Variants in TMEM63B observed in about 807,000 individuals in gnomAD.
TMEM63B encodes mechanosensitive cation channel TMEM63B.
TMEM63B carries 23 observed loss-of-function variants against 102.6 expected under a neutral mutation model. The observed-to-expected ratio is 0.22, with a 90% CI of 0.16 to 0.32. The LOEUF (loss-of-function observed/expected upper bound fraction) is 0.32. TMEM63B is among the 10% of genes least tolerant of loss of function. The probability of loss-of-function intolerance (pLI) is 1.00; values close to 1 mark genes in which losing one functional copy is unlikely to be tolerated. For missense variants in TMEM63B, 628 were observed against 1,095.9 expected, an observed-to-expected ratio of 0.57 and a Z score of 6.03; for synonymous variants, 444 against 437.0, an observed-to-expected ratio of 1.02 and a Z score of -0.20.
In TMEM63B at chr6:44,154,806, A is replaced by T; in HGVS notation, c.2422A>T (p.Met808Leu). The stretch of plus-strand genomic sequence containing the variant: ...CTCATCCCAAGATGAGGAGTTGCTG[A>T]TGCCACCCGACGCCCTCACGGACAC... ...SSSSQDEELLMPPDALTDTDF... is the reference protein window; with the variant it reads ...SSSSQDEELLLPPDALTDTDF... Residue 808 changes from methionine to leucine, a missense_variant, in exon 24 of 24, where the codon ATG becomes TTG. Transcript: ENST00000323267. The T allele has an allele frequency of 6.2e-7, 1 of 1,610,634 alleles. No homozygotes were observed. The highest frequency in any genetic ancestry group is 8.5e-7 in the Non-Finnish European group (1 of 1,179,182).
chr6:44,152,503 G>A lies in TMEM63B; in HGVS notation c.1837-90G>A. On this transcript the variant is annotated intron_variant, in intron 19 of 23. Coordinates refer to ENST00000323267, the MANE Select transcript of TMEM63B (RefSeq NM_018426.3). This position sits in a 1 kb window ranked among gnomAD's most constrained non-coding sequence, Gnocchi z 6.4. ...CCATGGCTTCTTTTCCGGCCCCAGAGGTCCTGGCTCCCTTCCCCCTCCCTC... is the reference window on the plus strand; with the variant it reads ...CCATGGCTTCTTTTCCGGCCCCAGAAGTCCTGGCTCCCTTCCCCCTCCCTC... The A allele has an allele frequency of 1.0e-6, 1 of 962,544 alleles. No individual in the cohort carries two copies. The highest frequency in any genetic ancestry group is 1.8e-5 in the Admixed American group (1 of 54,262). The allele number at this position is 962,544 out of a possible 1,614,324, so 59.6% of individuals were successfully genotyped here. A position where few individuals can be genotyped will look rare whatever the true frequency, so the allele number is the denominator to read the frequency against.
At chr6:44,154,662 A>G in intron 23 of TMEM63B, 30 bp from the exon 24 acceptor site, 1 of 1,519,720 alleles carries the variant, frequency 6.6e-7, no homozygotes, top group Non-Finnish European at 8.8e-7. Flanking sequence ...GCAGCTGTTC[A>G]CCTTGCCCCC....
Position 44,140,354 on chromosome 6 carries a change from T to G in TMEM63B, c.705T>G (p.Asp235Glu), listed in dbSNP as rs781486617. 7 of 1,613,310 alleles carry G rather than the reference T, an allele frequency of 4.3e-6. No homozygotes were observed. Among genetic ancestry groups the G allele is most frequent in the East Asian group, 2.2e-5 (1 of 44,864 alleles). The change falls in exon 9 of 24, where the codon GAT becomes GAG. Residue 235 changes from aspartate to glutamate, a missense_variant. This residue lies in a region of TMEM63B where 336 missense variants were observed against 580.3 expected (regional missense o/e 0.58). Coordinates refer to ENST00000323267, the MANE Select transcript of TMEM63B (RefSeq NM_018426.3). ...RHTSKMRYKE[D>E]DLVKRTLFIN... is the part of the protein sequence containing the mutation. ...CCTCCAAGATGCGCTACAAGGAGGA[T>G]GATCTGGTGCGTGGAGCAGAGCCCA...
At chr6:44,128,322 AC>A (rs1777621130) in intron 1 of TMEM63B, among the ~76,000 whole-genome samples, 1 of 151,982 alleles carries the variant, frequency 6.6e-6, no homozygotes, top group African/African-American at 2.4e-5. Flanking sequence ...TGCGCCCCAC[AC>A]AGTGCAGTTC....
chr6:44,138,739 C>CCCG (rs1554196625), intron 6 of TMEM63B: 2 of 400,084 alleles, frequency 5.0e-6, no homozygotes, highest in South Asian at 2.7e-5. Flanking sequence ...CCTGCCGGCC[C>CCCG]CCCCGCTTCT....
rs1027938532 is a variant in TMEM63B at position 44,155,111 on chromosome 6, G to A, written c.*228G>A. ...AGCCGGCCCCGGGGCAAAGAGGGGT[G>A]CAGAGGGAGTTCCCCCAGATCAGTA... is the stretch of plus-strand genomic sequence containing the variant. On this transcript the variant is annotated 3_prime_UTR_variant, in exon 24 of 24. Transcript: ENST00000323267. 1.3e-4 allele frequency: 54 copies of A among 400,610 alleles called. No individual in the cohort carries two copies. The highest frequency in any genetic ancestry group is 7.5e-4 in the African/African-American group (36 of 48,240). The allele number at this position is 400,610 out of a possible 1,614,324, so 24.8% of individuals were successfully genotyped here.
chr6:44,151,117 C>G (rs940129234), intron 18 of TMEM63B, among the ~76,000 whole-genome samples: 9 of 152,008 alleles, frequency 5.9e-5, no homozygotes, highest in Non-Finnish European at 1.3e-4. Context: ...GACCTTATAA[C>G]TCTGGGGGTG....
intron 10 of TMEM63B, among the ~76,000 whole-genome samples, chr6:44,142,949 TG>T (rs1396451495): frequency 6.6e-6 from 1 of 152,184 alleles, no homozygotes; most frequent in Non-Finnish European, 1.5e-5. Flanking sequence ...AGGCTAATGC[TG>T]TGGTGAACTG....
In TMEM63B at chr6:44,147,455, G is replaced by A. The variant is rs150373871; in HGVS notation, c.942G>A (p.Lys314=). The A allele has an allele frequency of 2.1e-4, 340 of 1,614,174 alleles. 1 individual carries two copies. The highest frequency in any genetic ancestry group is 8.8e-4 in the Admixed American group (53 of 60,016). Residue 314 remains lysine (K), a synonymous_variant, in exon 12 of 24, where the codon AAG becomes AAA. Transcript: ENST00000323267. ...ACGTGCCTACCATGATCAACCCCAA[G>A]CCCTGTGGCCACCTCTGCTGCTGTG... ...KENVPTMINP[K]PCGHLCCCVV... is the part of the protein sequence containing the mutation.
chr6:44,134,804 C>A, intron 2 of TMEM63B, 61 bp downstream of exon 2: 1 of 1,573,984 alleles, frequency 6.4e-7, no homozygotes, highest in Non-Finnish European at 8.6e-7. Context: ...CTGGCAAACA[C>A]TTCCAGCTCT....
At chr6:44,142,290 A>T (rs947730005) in intron 10 of TMEM63B, among the ~76,000 whole-genome samples, 2 of 145,558 alleles carry the variant, frequency 1.4e-5, no homozygotes, top group African/African-American at 2.5e-5. Context: ...AAAAAAAATC[A>T]TTGAGGGCCG....
intron 1 of TMEM63B, among the ~76,000 whole-genome samples, chr6:44,131,566 A>G (rs1778284777): frequency 6.6e-6 from 1 of 152,038 alleles, no homozygotes. Flanking sequence ...TGAAAATACA[A>G]AAATTAGCTG....
intron 10 of TMEM63B, 148 bp downstream of exon 10, chr6:44,141,246 G>C: frequency 2.4e-6 from 2 of 837,630 alleles, no homozygotes; most frequent in Middle Eastern, 4.6e-4. Flanking sequence ...CCGATTCCAG[G>C]GTGGTTTAGC....
intron 18 of TMEM63B, among the ~76,000 whole-genome samples, chr6:44,151,506 G>A (rs921744976): frequency 6.6e-6 from 1 of 152,136 alleles, no homozygotes; most frequent in African/African-American, 2.4e-5. Flanking sequence ...GAATCTTCTG[G>A]GTGTTCCTGG....
In TMEM63B at chr6:44,151,892, A is replaced by G. The variant is rs1459697568; in HGVS notation, c.1720A>G (p.Ile574Val). Residue 574 changes from isoleucine (I) to valine (V), a missense_variant, in exon 19 of 24, where the codon ATT becomes GTT. Coordinates refer to ENST00000323267, the MANE Select transcript of TMEM63B (RefSeq NM_018426.3). ...CGGCGCCTTCTTCGTGAACTACGTC[A>G]TTGCCTCAGCCTTTATCGGCAACGC... ...DNGAFFVNYV[I>V]ASAFIGNAMD... is the part of the protein sequence containing the mutation. The G allele has an allele frequency of 6.2e-7, 1 of 1,613,194 alleles. No individual in the cohort carries two copies. Among genetic ancestry groups the G allele is most frequent in the African/African-American group, 1.3e-5 (1 of 74,862 alleles).
chr6:44,152,513 C>T lies in TMEM63B; in HGVS notation c.1837-80C>T, dbSNP rs567480705. 11 of 988,552 alleles carry T rather than the reference C, an allele frequency of 1.1e-5. No homozygotes were observed. Among genetic ancestry groups the T allele is most frequent in the African/African-American group, 6.4e-5 (4 of 62,816 alleles). 61.2% of individuals were successfully genotyped at this position (988,552 alleles called of 1,614,324 possible). A position where few individuals can be genotyped will look rare whatever the true frequency, so the allele number is the denominator to read the frequency against. The stretch of plus-strand genomic sequence containing the variant: ...TTTTCCGGCCCCAGAGGTCCTGGCT[C>T]CCTTCCCCCTCCCTCCTTCCCTGCC... On this transcript the variant is annotated intron_variant, in intron 19 of 23. Coordinates refer to ENST00000323267, the MANE Select transcript of TMEM63B (RefSeq NM_018426.3). This position sits in a 1 kb window ranked among gnomAD's most constrained non-coding sequence, Gnocchi z 6.4.
At position 44,150,068 on chromosome 6, in the gene TMEM63B, C is replaced by G. The variant is rs529408747; in HGVS notation, c.1520+103C>G. Reference sequence around the variant, plus strand: ...CTTCAGGCTCCTGGCCCTGGGCAGTCCCACAGCTGGTAGGGAAGGGGTAGT... The same window carrying G: ...CTTCAGGCTCCTGGCCCTGGGCAGTGCCACAGCTGGTAGGGAAGGGGTAGT... On this transcript the variant is annotated intron_variant, in intron 16 of 23. Transcript: ENST00000323267. The surrounding 1 kb of genome is among the most constrained non-coding windows in gnomAD (Gnocchi z 4.7). 13 of 1,365,840 alleles carry G rather than the reference C, an allele frequency of 9.5e-6. No homozygotes were observed. The South Asian group carries it at 1.5e-4, about 16-fold the overall frequency. 84.6% of individuals were successfully genotyped at this position (1,365,840 alleles called of 1,614,324 possible). A position where few individuals can be genotyped will look rare whatever the true frequency, so the allele number is the denominator to read the frequency against.
At chr6:44,140,197 C>T (rs1007957728) in intron 8 of TMEM63B, 55 bp from the exon 9 acceptor site, 6 of 1,419,648 alleles carry the variant, frequency 4.2e-6, no homozygotes, top group Non-Finnish European at 4.0e-6. Flanking sequence ...GAGGTGTCTC[C>T]TCTGAGTGTG....
intron 10 of TMEM63B, among the ~76,000 whole-genome samples, chr6:44,145,500 G>A (rs141215005): frequency 0.011 from 1,666 of 152,092 alleles, 34 homozygotes; most frequent in African/African-American, 0.037. Flanking sequence ...GCTGAAGCAC[G>A]AGAATCACTT....
Sources: gnomAD v4.1 joint callset for allele counts (sites outside exome capture counted in the v4.1 genomes callset) on GRCh38, gnomAD v4.1.1 for gene constraint, gnomAD v4.1.1 regional missense constraint, Gnocchi (gnomAD v3.1) non-coding constraint, MANE v1.5 for transcripts, NCBI Gene and HGNC (gene_info 2026-07-23, HGNC 2026-07-21) for gene names.